Variants in KIF1B observed in about 807,000 individuals in gnomAD.
KIF1B encodes kinesin-like protein KIF1B.
A neutral mutation model predicts 241.9 loss-of-function variants in KIF1B; 76 were observed. That is an observed-to-expected ratio of 0.31 (90% CI 0.26 to 0.38). The LOEUF is 0.38. KIF1B is among the 10% of genes least tolerant of loss of function. The pLI, the probability that KIF1B is intolerant of heterozygous loss-of-function variation, is 1.00. For synonymous variants in KIF1B, 750 were observed against 796.7 expected (o/e 0.94, Z 0.99); for missense variants, 1,622 against 2,271.4 (o/e 0.71, Z 5.81).
intron 22 of KIF1B, chr1:10,304,058 C>T: frequency 1.9e-6 from 3 of 1,611,430 alleles, no homozygotes; most frequent in Non-Finnish European, 2.5e-6. Context: ...AACCGGAAGC[C>T]CCGCTTCCCC....
intron 4 of KIF1B, among the ~76,000 whole-genome samples, chr1:10,260,211 C>T (rs141595693): frequency 1.1e-4 from 17 of 152,214 alleles, no homozygotes; most frequent in African/African-American, 4.1e-4. Context: ...CTGAATACTA[C>T]AGGCAATTAT....
At chr1:10,343,210 C>G in intron 33 of KIF1B, 22 bp from the exon 34 acceptor site, 1 of 1,613,694 alleles carries the variant, frequency 6.2e-7, no homozygotes, top group Non-Finnish European at 8.5e-7. Flanking sequence ...TAGTCTTGAT[C>G]TTTGTCTTCC....
At chr1:10,357,615 C>G (rs1442490173) in intron 38 of KIF1B, among the ~76,000 whole-genome samples, 1 of 152,154 alleles carries the variant, frequency 6.6e-6, no homozygotes, top group Non-Finnish European at 1.5e-5. Context: ...TGCCTATATT[C>G]CCAGCTACTC....
At chr1:10,310,888 C>T (rs1651038010) in intron 22 of KIF1B, among the ~76,000 whole-genome samples, 1 of 151,492 alleles carries the variant, frequency 6.6e-6, no homozygotes, top group African/African-American at 2.5e-5. Flanking sequence ...TCTCATTGCT[C>T]TTAGCTGACA....
chr1:10,212,240 G>C (rs923437084), intron 1 of KIF1B, among the ~76,000 whole-genome samples: 1 of 152,174 alleles, frequency 6.6e-6, no homozygotes, highest in African/African-American at 2.4e-5. Context: ...CTGGCATTTT[G>C]TCTCCTTAGT....
chr1:10,320,172 C>A (rs781136317), intron 23 of KIF1B, 36 bp downstream of exon 23: 2 of 1,390,570 alleles, frequency 1.4e-6, no homozygotes, highest in South Asian at 2.3e-5. Flanking sequence ...CTGTGTATAT[C>A]TTTTTGAAGT....
chr1:10,270,633 G>A (rs1451571601), intron 7 of KIF1B, among the ~76,000 whole-genome samples: 1 of 152,094 alleles, frequency 6.6e-6, no homozygotes, highest in East Asian at 1.9e-4. Flanking sequence ...AGCTCCTTAA[G>A]AAATGTCAAG....
At chr1:10,322,342 C>T (rs1651555981) in intron 24 of KIF1B, among the ~76,000 whole-genome samples, 1 of 152,134 alleles carries the variant, frequency 6.6e-6, no homozygotes, top group South Asian at 2.1e-4. Flanking sequence ...GTTGATCCCC[C>T]TAGCCCTGTG....
intron 2 of KIF1B, among the ~76,000 whole-genome samples, chr1:10,240,721 A>ATTTTTTTTTT (rs34449939): frequency 9.1e-6 from 1 of 110,094 alleles, no homozygotes; most frequent in East Asian, 3.3e-4. Flanking sequence ...TGGGTAGTTC[A>ATTTTTTTTTT]TTTTTTTTTT....
chr1:10,319,884 A>G (rs1651455409), intron 22 of KIF1B, among the ~76,000 whole-genome samples, 159 bp from the exon 23 acceptor site: 2 of 152,052 alleles, frequency 1.3e-5, no homozygotes, highest in Non-Finnish European at 2.9e-5. Flanking sequence ...TTTTTTTCCT[A>G]AACATTTCCC....
chr1:10,352,825 G>A (rs981853313), intron 38 of KIF1B, 89 bp downstream of exon 38: 2 of 916,554 alleles, frequency 2.2e-6, no homozygotes, highest in South Asian at 1.3e-5. Context: ...ATGACTCCCA[G>A]TTCGGACAAA....
In KIF1B at chr1:10,355,313, C is replaced by T. The variant is rs994683199; in HGVS notation, c.4055+2577C>T. On this transcript the variant is annotated intron_variant, in intron 38 of 48. Transcript: ENST00000676179. ...TATATATATTTTTTCTGATTCTCTC[C>T]CTTATTTCTTTTGTTTTTTTGCTGC... 2.0e-5 allele frequency: 3 copies of T among 152,422 alleles called. No individual in the cohort carries two copies. In the East Asian group the frequency reaches 5.8e-4, roughly 29 times the overall value. The allele number at this position is 152,422 out of a possible 1,614,324, so 9.4% of individuals were successfully genotyped here. A position where few individuals can be genotyped will look rare whatever the true frequency, so the allele number is the denominator to read the frequency against.
In KIF1B at chr1:10,348,779, A is replaced by AT. The variant is rs35253111; in HGVS notation, c.3949+60dup. ...AAGGATAGAACCAGGACTTACAGAGATTTTTTTTTTTTTTGAGATAGGGTC... is the reference window on the plus strand; with the variant it reads ...AAGGATAGAACCAGGACTTACAGAGATTTTTTTTTTTTTTTGAGATAGGGTC... On this transcript the variant is annotated intron_variant, in intron 37 of 48. Transcript: ENST00000676179. 174,443 of 1,227,574 alleles carry AT rather than the reference A, an allele frequency of 0.14. 2,062 individuals are homozygous for AT. The highest frequency in any genetic ancestry group is 0.21 in the African/African-American group (13,629 of 65,512). 76.0% of individuals were successfully genotyped at this position (1,227,574 alleles called of 1,614,324 possible).
At chr1:10,232,547 T>C (rs939942587) in intron 2 of KIF1B, 113 bp downstream of exon 2, 13 of 772,156 alleles carry the variant, frequency 1.7e-5, no homozygotes, top group East Asian at 2.7e-5. Context: ...CTTTGAACTT[T>C]GCTATTCTGA....
At chr1:10,249,279 C>T (rs150886800) in intron 2 of KIF1B, among the ~76,000 whole-genome samples, 14 of 152,222 alleles carry the variant, frequency 9.2e-5, no homozygotes, top group African/African-American at 3.4e-4. Flanking sequence ...GACCTTGATA[C>T]AAGAACTGCT....
At chr1:10,361,934 A>G in intron 40 of KIF1B, 109 bp downstream of exon 40, 1 of 1,362,026 alleles carries the variant, frequency 7.3e-7, no homozygotes, top group Non-Finnish European at 1.0e-6. Context: ...ACAGTTTATG[A>G]ACCATTTTGG....
At chr1:10,293,166 T>C (rs189300867) in intron 17 of KIF1B, among the ~76,000 whole-genome samples, 68 of 152,128 alleles carry the variant, frequency 4.5e-4, no homozygotes, top group Middle Eastern at 3.4e-3. Context: ...TAGATGCATA[T>C]TGTAGAATAG....
chr1:10,306,527 C>T, intron 22 of KIF1B: 1 of 703,804 alleles, frequency 1.4e-6, no homozygotes, highest in Non-Finnish European at 1.8e-6. Flanking sequence ...AGGAGGATCC[C>T]TAGAGCCCAG....
At chr1:10,339,908 G>A (rs1206253523) in intron 32 of KIF1B, 49 bp downstream of exon 32, 1 of 1,471,732 alleles carries the variant, frequency 6.8e-7, no homozygotes, top group Admixed American at 1.7e-5. Flanking sequence ...CTGGTACCTT[G>A]GCTTTCTCAG....
Sources: gnomAD v4.1 joint callset for allele counts (sites outside exome capture counted in the v4.1 genomes callset) on GRCh38, gnomAD v4.1.1 for gene constraint, MANE v1.5 for transcripts, NCBI Gene and HGNC (gene_info 2026-07-23, HGNC 2026-07-21) for gene names.